FAM178B: variants seen among roughly 807,000 people sequenced by gnomAD.
FAM178B encodes the protein protein FAM178B.
FAM178B carries 82 observed loss-of-function variants against 91.7 expected under a neutral mutation model. That is an observed-to-expected ratio of 0.89 (90% confidence interval 0.75 to 1.07). FAM178B has a LOEUF of 1.07. FAM178B is among the 50% of genes least tolerant of loss of function. The probability of loss-of-function intolerance (pLI) is 0.00; values close to 1 mark genes in which losing one functional copy is unlikely to be tolerated. For synonymous variants in FAM178B, 368 were observed against 359.4 expected, an observed-to-expected ratio of 1.02 and a Z score of -0.27; for missense variants, 769 against 846.7, an observed-to-expected ratio of 0.91 and a Z score of 1.14.
chr2:96,902,683 A>G lies in FAM178B; in HGVS notation c.1587T>C (p.Leu529=). ...GGCCCAGCATTCGAGCAATGACCAC[A>G]AGGCTGAGCTGGCTTCGAAGCCGCC... ...RSRRLRSQLS[L]VVIARMLGQQ... is the part of the protein sequence containing the mutation. Residue 529 remains leucine, a synonymous_variant, in exon 13 of 17, where the codon CTT becomes CTC. Coordinates refer to ENST00000490605, the MANE Select transcript of FAM178B (RefSeq NM_001122646.3). The G allele has an allele frequency of 6.4e-7, 1 of 1,550,694 alleles. No individual in the cohort carries two copies. Among genetic ancestry groups the G allele is most frequent in the Non-Finnish European group, 8.7e-7 (1 of 1,146,502 alleles).
At chr2:96,910,603 G>A (rs1045114850) in intron 12 of FAM178B, among the ~76,000 whole-genome samples, 1 of 151,788 alleles carries the variant, frequency 6.6e-6, no homozygotes, top group Non-Finnish European at 1.5e-5. Context: ...CAACACTCCC[G>A]CTGGTCCACG....
At chr2:96,879,659 C>G (rs1042657647) in intron 14 of FAM178B, among the ~76,000 whole-genome samples, 4 of 152,278 alleles carry the variant, frequency 2.6e-5, no homozygotes, top group Non-Finnish European at 5.9e-5. Context: ...TCCCACACAA[C>G]GGCTAAGGCC....
intron 14 of FAM178B, among the ~76,000 whole-genome samples, chr2:96,888,114 A>G (rs765038047): frequency 1.5e-4 from 23 of 152,350 alleles, no homozygotes; most frequent in Non-Finnish European, 3.1e-4. Flanking sequence ...CTGTCCCCAG[A>G]TCTGTAGAGG....
intron 14 of FAM178B, among the ~76,000 whole-genome samples, chr2:96,880,108 CA>C (rs1329572485): frequency 6.6e-6 from 1 of 152,258 alleles, no homozygotes; most frequent in African/African-American, 2.4e-5. Context: ...CAGGAAATAA[CA>C]TACCTCTGCT....
At chr2:96,929,913 G>A (rs1328383899) in intron 8 of FAM178B, among the ~76,000 whole-genome samples, 1 of 152,166 alleles carries the variant, frequency 6.6e-6, no homozygotes, top group Non-Finnish European at 1.5e-5. Context: ...AAACATTCAT[G>A]ATAAAGTCTG....
chr2:96,949,852 G>A (rs1033856357), intron 7 of FAM178B: 4 of 395,234 alleles, frequency 1.0e-5, no homozygotes, highest in African/African-American at 4.3e-5. Flanking sequence ...GGCAGCTCAC[G>A]GATGTCCCAC....
chr2:96,900,478 C>T (rs902427954), intron 13 of FAM178B, among the ~76,000 whole-genome samples: 3 of 152,300 alleles, frequency 2.0e-5, no homozygotes, highest in East Asian at 1.9e-4. Flanking sequence ...CCAGAAACTA[C>T]GTGTTCCCTG....
At chr2:96,877,325 G>T (rs1381172379) in intron 16 of FAM178B, among the ~76,000 whole-genome samples, 1 of 152,096 alleles carries the variant, frequency 6.6e-6, no homozygotes, top group Non-Finnish European at 1.5e-5. Context: ...TCCCTCTCCA[G>T]GGTGACTTTT....
At chr2:96,950,119 C>T in intron 7 of FAM178B, 1 of 985,502 alleles carries the variant, frequency 1.0e-6, no homozygotes, top group Non-Finnish European at 1.2e-6. Context: ...ACCGACACGC[C>T]CCCGGGAAGG....
chr2:96,942,402 A>T (rs571475323), intron 8 of FAM178B, among the ~76,000 whole-genome samples: 1 of 151,906 alleles, frequency 6.6e-6, no homozygotes, highest in Non-Finnish European at 1.5e-5. Context: ...AGCCAAAACA[A>T]TTTTTTTTCA....
intron 8 of FAM178B, among the ~76,000 whole-genome samples, chr2:96,930,210 C>CAAA (rs60102987): frequency 0.017 from 662 of 39,536 alleles, 125 homozygotes; most frequent in African/African-American, 0.076. Flanking sequence ...TCCGTCTCTC[C>CAAA]AAAAAAAAAA....
At chr2:96,924,698 C>T (rs2081405704) in intron 9 of FAM178B, among the ~76,000 whole-genome samples, 1 of 152,170 alleles carries the variant, frequency 6.6e-6, no homozygotes, top group Non-Finnish European at 1.5e-5. Flanking sequence ...GTTAAGTGAG[C>T]TTATGATGAG....
chr2:96,929,523 G>C (rs925004329), intron 8 of FAM178B, among the ~76,000 whole-genome samples: 4 of 152,356 alleles, frequency 2.6e-5, no homozygotes, highest in Non-Finnish European at 5.9e-5. Flanking sequence ...ATGTTTTCTT[G>C]AATATTCTCT....
intron 4 of FAM178B, among the ~76,000 whole-genome samples, chr2:96,968,006 A>G (rs1210854064): frequency 2.1e-5 from 3 of 143,874 alleles, no homozygotes. Context: ...ACCAAAGTGT[A>G]TCGCAGCCTC....
At chr2:96,939,527 A>C (rs1017533225) in intron 8 of FAM178B, among the ~76,000 whole-genome samples, 3 of 152,138 alleles carry the variant, frequency 2.0e-5, no homozygotes, top group African/African-American at 7.2e-5. Context: ...ATGAACAAAC[A>C]AAAAAACAAA....
At chr2:96,972,467 C>T in intron 2 of FAM178B, 71 bp downstream of exon 2, 1 of 1,522,648 alleles carries the variant, frequency 6.6e-7, no homozygotes, top group Non-Finnish European at 8.9e-7. Flanking sequence ...ATCCTTCAGC[C>T]ATGGGCTCTC....
chr2:96,885,080 G>A (rs540011331), intron 14 of FAM178B, among the ~76,000 whole-genome samples: 4 of 152,348 alleles, frequency 2.6e-5, no homozygotes, highest in Admixed American at 1.3e-4. Context: ...CTGTCAAAGT[G>A]CCTGCTAGGG....
intron 12 of FAM178B, among the ~76,000 whole-genome samples, chr2:96,905,868 T>A (rs1158407021): frequency 0.017 from 782 of 44,734 alleles, 49 homozygotes; most frequent in African/African-American, 0.025. Context: ...ATATTTTTTT[T>A]TTTTTTTTTT....
chr2:96,890,537 A>C (rs758926165), intron 14 of FAM178B, among the ~76,000 whole-genome samples: 1 of 152,162 alleles, frequency 6.6e-6, no homozygotes, highest in Non-Finnish European at 1.5e-5. Context: ...ACACCAGAAA[A>C]CATCTGGCCA....
Sources: allele counts gnomAD v4.1 joint callset (sites outside exome capture counted in the v4.1 genomes callset), GRCh38; gene constraint gnomAD v4.1.1; transcripts MANE v1.5; gene names NCBI Gene and HGNC (gene_info 2026-07-23, HGNC 2026-07-21).